Variants in SAMMSON observed in about 807,000 individuals in gnomAD.
The protein encoded by SAMMSON is long intergenic non-protein coding RNA 1212.
chr3:70,217,578 T>G (rs548726156), intron 4 of SAMMSON, among the ~76,000 whole-genome samples: 1 of 152,234 alleles, frequency 6.6e-6, no homozygotes, highest in African/African-American at 2.4e-5. Flanking sequence ...AGTGTCCAAT[T>G]TTTCCTAGAG....
chr3:70,314,894 A>C (rs1702484967), intron 7 of SAMMSON, among the ~76,000 whole-genome samples: 1 of 152,102 alleles, frequency 6.6e-6, no homozygotes, highest in South Asian at 2.1e-4. Flanking sequence ...ATTTTTATAT[A>C]CTTGTATCCT....
intron 2 of SAMMSON, among the ~76,000 whole-genome samples, chr3:70,431,601 G>A (rs983742703): frequency 1.3e-5 from 2 of 151,910 alleles, no homozygotes; most frequent in South Asian, 2.1e-4. Context: ...TGGCCTCTGG[G>A]CATTTTTATT....
At chr3:70,006,200 T>C (rs2066925660) in intron 1 of SAMMSON, among the ~76,000 whole-genome samples, 1 of 152,172 alleles carries the variant, frequency 6.6e-6, no homozygotes, top group Admixed American at 6.5e-5. Context: ...AAAAAGAACA[T>C]GCACCAATTA....
intron 4 of SAMMSON, among the ~76,000 whole-genome samples, chr3:70,221,678 A>T (rs1701460907): frequency 6.6e-6 from 1 of 152,178 alleles, no homozygotes; most frequent in Admixed American, 6.5e-5. Context: ...CTGGTCAATG[A>T]TGCCAAGGTT....
intron 4 of SAMMSON, among the ~76,000 whole-genome samples, chr3:70,152,179 A>T (rs2067574419): frequency 6.6e-6 from 1 of 151,986 alleles, no homozygotes; most frequent in South Asian, 2.1e-4. Flanking sequence ...ATTTTAAAAT[A>T]TTACTCTATT....
intron 6 of SAMMSON, among the ~76,000 whole-genome samples, chr3:70,266,657 G>A (rs1273482814): frequency 6.6e-6 from 1 of 151,948 alleles, no homozygotes; most frequent in African/African-American, 2.4e-5. Context: ...TGTTGCCCAT[G>A]CTGGTCTCAA....
intron 4 of SAMMSON, among the ~76,000 whole-genome samples, chr3:70,220,951 G>A (rs774892929): frequency 6.6e-6 from 1 of 152,156 alleles, no homozygotes; most frequent in Non-Finnish European, 1.5e-5. Context: ...GAATGTAGTA[G>A]CTATGCATCA....
In SAMMSON at chr3:70,195,140, C is replaced by T. The variant is rs78522103; in HGVS notation, n.508-53967C>T. On this transcript the variant is annotated intron_variant and non_coding_transcript_variant, in intron 4 of 9. Coordinates refer to ENST00000642114, the Ensembl canonical transcript of SAMMSON. Reference sequence around the variant, plus strand: ...TCTTGAATAAGTCAGTTCATGGGGCCTCTCTTTTCCCCTGTGAAATATAAA... The same window carrying T: ...TCTTGAATAAGTCAGTTCATGGGGCTTCTCTTTTCCCCTGTGAAATATAAA... Among the ~76,000 whole-genome samples, 496 of 152,264 alleles carry T rather than the reference C, an allele frequency of 3.3e-3. 4 individuals carry two copies. Among genetic ancestry groups the T allele is most frequent in the African/African-American group, 0.012 (482 of 41,554 alleles).
chr3:70,206,384 C>G (rs936791363), intron 4 of SAMMSON, among the ~76,000 whole-genome samples: 3 of 152,056 alleles, frequency 2.0e-5, no homozygotes, highest in Non-Finnish European at 4.4e-5. Flanking sequence ...AGCAAACAAT[C>G]TGCCAAGCGC....
chr3:70,155,250 G>T (rs1576137658), intron 4 of SAMMSON, among the ~76,000 whole-genome samples: 1 of 152,024 alleles, frequency 6.6e-6, no homozygotes, highest in South Asian at 2.1e-4. Flanking sequence ...GACTCTGGGG[G>T]TTGGGGTTTA....
chr3:70,108,441 T>TTTTTTTTTTTTTTTTA lies in SAMMSON; in HGVS notation n.507+36876_507+36877insTTTTTTTTTTTTTTTA, dbSNP rs1553715435. ...GCGGTTCCTTTTTTTTTTTTTTTTT[T>TTTTTTTTTTTTTTTTA]ATCATAACTCACCTAAGGAGCTGAG... On this transcript the variant is annotated intron_variant and non_coding_transcript_variant, in intron 4 of 9. Transcript: ENST00000642114. Among the ~76,000 whole-genome samples, 2 of 146,346 alleles carry TTTTTTTTTTTTTTTTA rather than the reference T, an allele frequency of 1.4e-5. 1 individual carries two copies. Among genetic ancestry groups the TTTTTTTTTTTTTTTTA allele is most frequent in the African/African-American group, 5.2e-5 (2 of 38,446 alleles).
chr3:70,210,185 T>C (rs1444588571), intron 4 of SAMMSON, among the ~76,000 whole-genome samples: 1 of 152,136 alleles, frequency 6.6e-6, no homozygotes, highest in Non-Finnish European at 1.5e-5. Context: ...TTTAATTTTG[T>C]GACAATTTTA....
intron 3 of SAMMSON, among the ~76,000 whole-genome samples, chr3:70,020,875 G>A (rs1337633167): frequency 1.3e-5 from 2 of 152,054 alleles, no homozygotes; most frequent in African/African-American, 2.4e-5. Flanking sequence ...TTGTTATTTA[G>A]CAATGAAGGA....
intron 4 of SAMMSON, among the ~76,000 whole-genome samples, chr3:70,242,765 A>C (rs1170146686): frequency 6.6e-6 from 1 of 152,092 alleles, no homozygotes; most frequent in Non-Finnish European, 1.5e-5. Flanking sequence ...ATTTCCTGGA[A>C]TCTTATTGTG....
intron 2 of SAMMSON, among the ~76,000 whole-genome samples, chr3:70,424,204 T>A (rs1701336050): frequency 6.6e-6 from 1 of 152,180 alleles, no homozygotes; most frequent in South Asian, 2.1e-4. Context: ...GGTTATCTCA[T>A]TAATTAATTA....
intron 6 of SAMMSON, chr3:70,283,781 A>T (rs1702112682): frequency 6.6e-6 from 1 of 151,278 alleles, no homozygotes; most frequent in Admixed American, 6.6e-5. Flanking sequence ...TTGTAAAAAA[A>T]AAAAGAGAGA....
At chr3:70,180,253 G>A (rs2106704937) in intron 4 of SAMMSON, among the ~76,000 whole-genome samples, 1 of 152,024 alleles carries the variant, frequency 6.6e-6, no homozygotes, top group East Asian at 1.9e-4. Flanking sequence ...CTTTTTATGG[G>A]GTTTTGTGAA....
chr3:70,230,509 T>C (rs1701548353), intron 4 of SAMMSON, among the ~76,000 whole-genome samples: 1 of 152,140 alleles, frequency 6.6e-6, no homozygotes, highest in South Asian at 2.1e-4. Flanking sequence ...CATATATATA[T>C]ATATACAGTT....
intron 6 of SAMMSON, among the ~76,000 whole-genome samples, chr3:70,288,123 C>CAAACA (rs1702187797): frequency 6.9e-6 from 1 of 145,430 alleles, no homozygotes; most frequent in Non-Finnish European, 1.5e-5. Context: ...TTTGCTCTTG[C>CAAACA]TTTTCTAGTT....
Sources: allele counts gnomAD v4.1 joint callset (sites outside exome capture counted in the v4.1 genomes callset), GRCh38; gene constraint gnomAD v4.1.1; transcripts MANE v1.5; gene names NCBI Gene and HGNC (gene_info 2026-07-23, HGNC 2026-07-21).